Variants in KIF1B observed in about 807,000 individuals in gnomAD.
KIF1B encodes the protein kinesin-like protein KIF1B.
In KIF1B, 76 loss-of-function variants were observed where a neutral mutation model predicts 241.9. The ratio of observed to expected loss-of-function variants is 0.31; its 90% confidence interval spans 0.26 to 0.38. KIF1B has a LOEUF of 0.38. KIF1B is among the 10% of genes least tolerant of loss of function. The pLI, the probability that KIF1B is intolerant of heterozygous loss-of-function variation, is 1.00. For missense variants in KIF1B, 1,622 were observed against 2,271.4 expected, an observed-to-expected ratio of 0.71 and a Z score of 5.81; for synonymous variants, 750 against 796.7, an observed-to-expected ratio of 0.94 and a Z score of 0.99.
intron 9 of KIF1B, 48 bp from the exon 10 acceptor site, chr1:10,272,966 G>A (rs1489258328): frequency 4.7e-6 from 7 of 1,488,586 alleles, no homozygotes; most frequent in Non-Finnish European, 6.4e-6. Context: ...TCTACTTGGA[G>A]GCTTATCCTG....
intron 2 of KIF1B, among the ~76,000 whole-genome samples, chr1:10,252,736 G>T (rs1371777471): frequency 2.7e-5 from 4 of 149,968 alleles, no homozygotes; most frequent in Non-Finnish European, 5.9e-5. Flanking sequence ...TTTTTGTTTT[G>T]AGATGGAGTT....
rs1258653638 is a variant in KIF1B, at chr1:10,296,565, G to T, written c.1778-17G>T. 6.3e-7 allele frequency: 1 copy of T among 1,597,098 alleles called. No homozygotes were observed. The highest frequency in any genetic ancestry group is 1.7e-5 in the Admixed American group (1 of 59,938). ...TAGTTTGTAATGATAACATTAGTTT[G>T]TGTTTGTTCCTCTTAGTTATCGTGA... On this transcript the variant is annotated splice_polypyrimidine_tract_variant and intron_variant, in intron 19 of 48. Coordinates refer to ENST00000676179, the MANE Select transcript of KIF1B (RefSeq NM_001365951.3).
chr1:10,226,623 C>G (rs1203475124), intron 1 of KIF1B, among the ~76,000 whole-genome samples: 1 of 152,114 alleles, frequency 6.6e-6, no homozygotes, highest in Non-Finnish European at 1.5e-5. Flanking sequence ...TAACAAATTC[C>G]TTAATATCAT....
At chr1:10,339,604 C>T (rs1652312051) in intron 31 of KIF1B, among the ~76,000 whole-genome samples, 165 bp from the exon 32 acceptor site, 1 of 152,076 alleles carries the variant, frequency 6.6e-6, no homozygotes, top group African/African-American at 2.4e-5. Context: ...CTAAAATGCC[C>T]TCTGTGCAAT....
chr1:10,223,036 G>C lies in KIF1B; in HGVS notation c.-79-9214G>C, dbSNP rs144581813. On this transcript the variant is annotated intron_variant, in intron 1 of 48. Coordinates refer to ENST00000676179, the MANE Select transcript of KIF1B (RefSeq NM_001365951.3). ...TGGGAGGCCGAGGCAGGCGGGTCACGAGGTCAGGAGTTCAAGACCAGCCTG... is the reference window on the plus strand; with the variant it reads ...TGGGAGGCCGAGGCAGGCGGGTCACCAGGTCAGGAGTTCAAGACCAGCCTG... 6.9e-3 allele frequency among the ~76,000 whole-genome samples: 1,053 copies of C among 152,222 alleles called. 10 individuals are homozygous for C. Among genetic ancestry groups the C allele is most frequent in the South Asian group, 0.018 (85 of 4,822 alleles).
chr1:10,215,086 G>T (rs1646745059), intron 1 of KIF1B, among the ~76,000 whole-genome samples: 1 of 138,088 alleles, frequency 7.2e-6, no homozygotes, highest in Non-Finnish European at 1.5e-5. Flanking sequence ...TTTGTATAGT[G>T]TTTGAAGTCA....
At chr1:10,256,733 A>G (rs1450514532) in intron 3 of KIF1B, among the ~76,000 whole-genome samples, 2 of 151,084 alleles carry the variant, frequency 1.3e-5, no homozygotes, top group Non-Finnish European at 3.0e-5. Context: ...TTCTTCTGAG[A>G]CGGAGTCTCA....
intron 22 of KIF1B, among the ~76,000 whole-genome samples, chr1:10,301,996 C>T (rs1650565133): frequency 6.6e-6 from 1 of 152,114 alleles, no homozygotes. Context: ...GTTAAACATA[C>T]CTTTTAAAGT....
intron 2 of KIF1B, among the ~76,000 whole-genome samples, chr1:10,248,610 T>A (rs1647283104): frequency 6.6e-6 from 1 of 152,080 alleles, no homozygotes; most frequent in Non-Finnish European, 1.5e-5. Context: ...CTCATGGGAG[T>A]CTTTATGTTA....
At chr1:10,295,555 C>A in intron 18 of KIF1B, 105 bp from the exon 19 acceptor site, 1 of 1,058,694 alleles carries the variant, frequency 9.4e-7, no homozygotes, top group Non-Finnish European at 1.5e-6. Flanking sequence ...AAGGCAATAC[C>A]TTTTTTGTAC....
chr1:10,365,239 A>T lies in KIF1B; in HGVS notation c.4506A>T (p.Leu1502=). 2 of 1,613,998 alleles carry T rather than the reference A, an allele frequency of 1.2e-6. No individual in the cohort carries two copies. The highest frequency in any genetic ancestry group is 1.7e-6 in the Non-Finnish European group (2 of 1,179,966). The change falls in exon 42 of 49, where the codon CTA becomes CTT. Residue 1502 remains leucine (L), a synonymous_variant. Coordinates refer to ENST00000676179, the MANE Select transcript of KIF1B (RefSeq NM_001365951.3). The surrounding 1 kb of genome is among the most constrained non-coding windows in gnomAD (Gnocchi z 4.0). Reference sequence around the variant, plus strand: ...GGGAGCTGGAGAAGCTGGAGCTCCTACATGAGGTATCCAGGGGCAGGGTTG... The same window carrying T: ...GGGAGCTGGAGAAGCTGGAGCTCCTTCATGAGGTATCCAGGGGCAGGGTTG... ...HQWELEKLEL[L]HEVEKTRHFL...
In KIF1B at chr1:10,326,957, T is replaced by C. The variant is rs1277005540; in HGVS notation, c.2924+598T>C. ...GATGCCTGTCTTTGGCCAGTTTCACTGAGCCTATCTACGGATCTTTGGCAT... is the reference window on the plus strand; with the variant it reads ...GATGCCTGTCTTTGGCCAGTTTCACCGAGCCTATCTACGGATCTTTGGCAT... On this transcript the variant is annotated intron_variant, in intron 27 of 48. Transcript: ENST00000676179. This position sits in a 1 kb window ranked among gnomAD's most constrained non-coding sequence, Gnocchi z 5.2. Among the ~76,000 whole-genome samples, 1 of 152,250 alleles carries C rather than the reference T, an allele frequency of 6.6e-6. No homozygotes were observed. Among genetic ancestry groups the C allele is most frequent in the Non-Finnish European group, 1.5e-5 (1 of 68,044 alleles).
intron 7 of KIF1B, among the ~76,000 whole-genome samples, chr1:10,270,842 T>C (rs888108142): frequency 5.3e-5 from 8 of 151,628 alleles, no homozygotes; most frequent in Admixed American, 3.3e-4. Context: ...GGGAGAATCG[T>C]TTGAACCCAG....
chr1:10,237,688 A>ACCC (rs1647075010), intron 2 of KIF1B, among the ~76,000 whole-genome samples: 1 of 152,118 alleles, frequency 6.6e-6, no homozygotes, highest in Admixed American at 6.6e-5. Flanking sequence ...TAACTGATAC[A>ACCC]AATAATGATT....
intron 7 of KIF1B, among the ~76,000 whole-genome samples, chr1:10,270,668 T>C (rs1034938925): frequency 6.6e-6 from 1 of 152,170 alleles, no homozygotes; most frequent in African/African-American, 2.4e-5. Flanking sequence ...CTCACGCCTG[T>C]ACTCCCAGCA....
chr1:10,274,759 T>C (rs867119674), intron 10 of KIF1B, among the ~76,000 whole-genome samples: 3 of 79,974 alleles, frequency 3.8e-5, no homozygotes, highest in African/African-American at 1.3e-4. Flanking sequence ...ATTGTTTATT[T>C]AATGCACAAG....
intron 2 of KIF1B, among the ~76,000 whole-genome samples, chr1:10,239,759 C>T (rs1037101065): frequency 6.6e-6 from 1 of 151,722 alleles, no homozygotes; most frequent in Admixed American, 6.6e-5. Context: ...AGGCGCCCAC[C>T]ACCATGCCTG....
intron 1 of KIF1B, among the ~76,000 whole-genome samples, chr1:10,220,397 T>TAGATAGATGATA (rs1553160022): frequency 1.4e-3 from 206 of 144,280 alleles, no homozygotes; most frequent in African/African-American, 3.4e-3. Context: ...GATAGATAGA[T>TAGATAGATGATA]GATAGATAGA....
intron 24 of KIF1B, among the ~76,000 whole-genome samples, chr1:10,322,285 C>A (rs1315707337): frequency 3.3e-5 from 5 of 152,094 alleles, no homozygotes; most frequent in African/African-American, 1.2e-4. Context: ...AGCACATGCA[C>A]CCTGGACCCA....
Sources: allele counts gnomAD v4.1 joint callset (sites outside exome capture counted in the v4.1 genomes callset), GRCh38; gene constraint gnomAD v4.1.1; non-coding constraint Gnocchi (gnomAD v3.1); transcripts MANE v1.5; gene names NCBI Gene and HGNC (gene_info 2026-07-23, HGNC 2026-07-21).